Variants in PTPN4 observed in about 807,000 individuals in gnomAD.
PTPN4 encodes protein tyrosine phosphatase non-receptor type 4.
PTPN4 carries 49 observed loss-of-function variants against 135.5 expected under a neutral mutation model. The ratio of observed to expected loss-of-function variants is 0.36; its 90% CI spans 0.29 to 0.46. The LOEUF is 0.46. Among genes scored for constraint, PTPN4 ranks in the 20% least tolerant of loss-of-function variants. PTPN4 has a pLI of 1.00. For synonymous variants in PTPN4, 333 were observed against 369.9 expected, an observed-to-expected ratio of 0.90 and a Z score of 1.14; for missense variants, 860 against 1,101.0, an observed-to-expected ratio of 0.78 and a Z score of 3.10.
chr2:119,859,519 C>T (rs1332063370), intron 2 of PTPN4, among the ~76,000 whole-genome samples: 6 of 152,098 alleles, frequency 3.9e-5, no homozygotes. Flanking sequence ...TTTCCATCTA[C>T]CTTGTCTCCT....
At chr2:119,844,496 CG>C (rs1558742648) in intron 2 of PTPN4, among the ~76,000 whole-genome samples, 3 of 141,796 alleles carry the variant, frequency 2.1e-5, no homozygotes, top group Non-Finnish European at 4.6e-5. Flanking sequence ...ACTTCTCAGA[CG>C]GGGTGGTTGC....
rs35313672 is a variant in PTPN4, at chr2:119,959,241, C to CTT, written c.2134-1556_2134-1555dup. Among the ~76,000 whole-genome samples, 828 of 147,752 alleles carry CTT rather than the reference C, an allele frequency of 5.6e-3. 12 individuals are homozygous for CTT. Among genetic ancestry groups the CTT allele is most frequent in the East Asian group, 0.032 (161 of 5,104 alleles). On this transcript the variant is annotated intron_variant, in intron 22 of 26. Transcript: ENST00000263708. ...CTTAGGAATATATCTCTGATAAGGC[C>CTT]TTTTTTTTTTTGGTAGCAAAACCAC...
rs534309822 is a variant in PTPN4, at chr2:119,792,814, C to CAGT, written c.-17-17020_-17-17018dup. On this transcript the variant is annotated intron_variant, in intron 1 of 26. Transcript: ENST00000263708. Reference sequence around the variant, plus strand: ...GGTGTCTGGGGGAGACATCACATGTCAGTAGGTTCTGTGATGCCCCCTGAG... The same window carrying CAGT: ...GGTGTCTGGGGGAGACATCACATGTCAGTAGTAGGTTCTGTGATGCCCCCTGAG... 7.2e-5 allele frequency among the ~76,000 whole-genome samples: 11 copies of CAGT among 152,288 alleles called. No individual in the cohort carries two copies. The South Asian group carries it at 2.1e-3, about 29-fold the overall frequency.
At chr2:119,816,052 T>C (rs932611310) in intron 2 of PTPN4, among the ~76,000 whole-genome samples, 3 of 152,200 alleles carry the variant, frequency 2.0e-5, no homozygotes, top group Non-Finnish European at 4.4e-5. Flanking sequence ...AATGTGTCGT[T>C]AGGTGATTTC....
intron 3 of PTPN4, among the ~76,000 whole-genome samples, chr2:119,866,766 T>G (rs1677840347): frequency 6.6e-6 from 1 of 152,166 alleles, no homozygotes; most frequent in Admixed American, 6.5e-5. Flanking sequence ...GGCTGACCGT[T>G]ATTTCAACAA....
At chr2:119,882,650 A>G in intron 8 of PTPN4, 27 bp downstream of exon 8, 1 of 1,464,642 alleles carries the variant, frequency 6.8e-7, no homozygotes, top group Non-Finnish European at 9.3e-7. Context: ...TTTTTATTTG[A>G]TAAACTTCTT....
At chr2:119,941,093 TG>T (rs1679055508) in intron 15 of PTPN4, among the ~76,000 whole-genome samples, 3 of 152,326 alleles carry the variant, frequency 2.0e-5, no homozygotes, top group South Asian at 2.1e-4. Context: ...CTCTTATACT[TG>T]GCAGATTTTT....
At chr2:119,963,414 A>G (rs1679400081) in intron 24 of PTPN4, among the ~76,000 whole-genome samples, 1 of 152,230 alleles carries the variant, frequency 6.6e-6, no homozygotes, top group Non-Finnish European at 1.5e-5. Flanking sequence ...GCCTGCAGCT[A>G]GCTATCCCCC....
chr2:119,882,736 C>A, intron 8 of PTPN4, 113 bp downstream of exon 8: 2 of 881,114 alleles, frequency 2.3e-6, no homozygotes, highest in Non-Finnish European at 3.2e-6. Flanking sequence ...TTACTGTTAC[C>A]TAAAATAATA....
At chr2:119,778,012 T>C (rs1690869257) in intron 1 of PTPN4, among the ~76,000 whole-genome samples, 1 of 152,140 alleles carries the variant, frequency 6.6e-6, no homozygotes, top group African/African-American at 2.4e-5. Flanking sequence ...GCATTCTTTT[T>C]TTTTTTTCCT....
At chr2:119,924,628 T>G (rs1460928016) in intron 12 of PTPN4, among the ~76,000 whole-genome samples, 1 of 152,184 alleles carries the variant, frequency 6.6e-6, no homozygotes, top group African/African-American at 2.4e-5. Flanking sequence ...ACTGGAACAG[T>G]TTTTCATTTT....
Position 119,946,345 on chromosome 2 carries a change from A to G in PTPN4, c.1520A>G (p.Asn507Ser). 1 of 1,598,082 alleles carries G rather than the reference A, an allele frequency of 6.3e-7. No individual in the cohort carries two copies. Among genetic ancestry groups the G allele is most frequent in the Non-Finnish European group, 8.5e-7 (1 of 1,173,118 alleles). Reference sequence around the variant, plus strand: ...ATTTAATTTTGTCTTTTTAAGCCTAATGGTGGTATTCCACATGATAATCTT... The same window carrying G: ...ATTTAATTTTGTCTTTTTAAGCCTAGTGGTGGTATTCCACATGATAATCTT... ...IPSSPEKPTP[N>S]GGIPHDNLVL... The change falls in exon 17 of 27, where the codon AAT (asparagine) becomes AGT (serine). Residue 507 changes from asparagine (N) to serine (S), a missense_variant. By Grantham distance (46) the Asn-to-Ser change is conservative (BLOSUM62 1). Around this residue, in one of 2 missense-constraint regions of PTPN4, gnomAD observed 684 missense variants for 807.0 expected, o/e 0.85. Coordinates refer to ENST00000263708, the MANE Select transcript of PTPN4 (RefSeq NM_002830.4).
intron 3 of PTPN4, among the ~76,000 whole-genome samples, chr2:119,871,201 A>T (rs920700604): frequency 6.7e-6 from 1 of 149,560 alleles, no homozygotes; most frequent in African/African-American, 2.5e-5. Flanking sequence ...GATTCACACT[A>T]CCTGTTTCTG....
chr2:119,913,554 C>T (rs1025439197), intron 10 of PTPN4, among the ~76,000 whole-genome samples: 2 of 152,136 alleles, frequency 1.3e-5, no homozygotes, highest in Non-Finnish European at 2.9e-5. Flanking sequence ...ACTCAGGAGG[C>T]TGAGGCAGGA....
chr2:119,958,336 A>T (rs75440910), intron 22 of PTPN4, among the ~76,000 whole-genome samples: 3,727 of 151,810 alleles, frequency 0.025, 75 homozygotes, highest in African/African-American at 0.064. Flanking sequence ...TCTAAAAAAA[A>T]AAAAAAGAAC....
intron 12 of PTPN4, among the ~76,000 whole-genome samples, chr2:119,925,889 ACCTC>A (rs1387486717): frequency 1.3e-5 from 2 of 152,048 alleles, no homozygotes; most frequent in African/African-American, 4.8e-5. Flanking sequence ...TTAATTTATT[ACCTC>A]CCTCTTAGAG....
intron 26 of PTPN4, among the ~76,000 whole-genome samples, chr2:119,969,645 G>T (rs1295464798): frequency 1.5e-5 from 2 of 132,426 alleles, no homozygotes; most frequent in Non-Finnish European, 3.1e-5. Context: ...TGCAAGCTCC[G>T]CCTCCCGGGA....
intron 1 of PTPN4, among the ~76,000 whole-genome samples, chr2:119,804,849 C>T (rs1327335357): frequency 6.6e-6 from 1 of 152,192 alleles, no homozygotes; most frequent in Non-Finnish European, 1.5e-5. Context: ...CTTGAGGAAT[C>T]ATCATACTGT....
At chr2:119,950,583 CTT>C (rs944319998) in intron 18 of PTPN4, among the ~76,000 whole-genome samples, 1 of 152,128 alleles carries the variant, frequency 6.6e-6, no homozygotes, top group African/African-American at 2.4e-5. Flanking sequence ...ATTTTATTGA[CTT>C]TGTGTTGATA....
Sources: allele counts gnomAD v4.1 joint callset (sites outside exome capture counted in the v4.1 genomes callset), GRCh38; gene constraint gnomAD v4.1.1; regional missense constraint gnomAD v4.1.1; transcripts MANE v1.5; gene names NCBI Gene and HGNC (gene_info 2026-07-23, HGNC 2026-07-21).